The following CALN1 variants were observed in gnomAD, a reference collection of about 807,000 sequenced individuals.
CALN1 encodes calcium-binding protein 8.
Under a neutral mutation model 30.6 loss-of-function variants are expected in CALN1, and 17 were observed. The ratio of observed to expected loss-of-function variants is 0.56; its 90% CI spans 0.38 to 0.83. The LOEUF (loss-of-function observed/expected upper bound fraction) is 0.83. Among genes scored for constraint, CALN1 ranks in the 40% least tolerant of loss-of-function variants. The probability of loss-of-function intolerance (pLI) is 0.00; values close to 1 mark genes in which losing one functional copy is unlikely to be tolerated. For missense variants in CALN1, 291 were observed against 354.9 expected, an observed-to-expected ratio of 0.82 and a Z score of 1.45; for synonymous variants, 156 against 131.4, an observed-to-expected ratio of 1.19 and a Z score of -1.28.
chr7:72,047,914 A>T (rs774808391), intron 4 of CALN1, among the ~76,000 whole-genome samples: 1 of 152,158 alleles, frequency 6.6e-6, no homozygotes, highest in South Asian at 2.1e-4. Context: ...ATGCAGGGAA[A>T]TTGGATATTG....
At chr7:72,252,008 GCACAC>G (rs1017391496) in intron 3 of CALN1, among the ~76,000 whole-genome samples, 1 of 152,126 alleles carries the variant, frequency 6.6e-6, no homozygotes, top group Admixed American at 6.6e-5. Flanking sequence ...CAATTCTGCA[GCACAC>G]CACACAAGAT....
chr7:72,475,176 T>G, the CALN1 span, among the ~76,000 whole-genome samples: 1 of 152,108 alleles, frequency 6.6e-6, no homozygotes, highest in Non-Finnish European at 1.5e-5. Flanking sequence ...ATAAAGAAAG[T>G]GAAGTGGCAG....
chr7:71,795,789 A>G (rs1405573058), intron 6 of CALN1, among the ~76,000 whole-genome samples: 1 of 139,744 alleles, frequency 7.2e-6, no homozygotes, highest in African/African-American at 2.7e-5. Context: ...CTCCAGCTGT[A>G]TGTAGCATTT....
chr7:72,446,997 C>G (rs1808547190), intron 1 of CALN1: 1 of 152,002 alleles, frequency 6.6e-6, no homozygotes, highest in Admixed American at 6.6e-5. Context: ...ATATCATTGA[C>G]TGAGAGACAC....
At chr7:72,147,851 A>C (rs1452137508) in intron 3 of CALN1, among the ~76,000 whole-genome samples, 1 of 151,656 alleles carries the variant, frequency 6.6e-6, no homozygotes, top group Non-Finnish European at 1.5e-5. Flanking sequence ...CGCAAGGACA[A>C]AAAACCAAAC....
the CALN1 span, among the ~76,000 whole-genome samples, chr7:72,494,978 T>C: frequency 1.7e-5 from 2 of 120,352 alleles, no homozygotes; most frequent in Admixed American, 8.2e-5. Flanking sequence ...ATAACACCTG[T>C]AAGCTGCAAC....
intron 4 of CALN1, among the ~76,000 whole-genome samples, chr7:72,075,599 C>T (rs1804675776): frequency 6.6e-6 from 1 of 152,176 alleles, no homozygotes; most frequent in Admixed American, 6.5e-5. Flanking sequence ...TAATGCTCCT[C>T]TTCCAGCCTG....
intron 2 of CALN1, among the ~76,000 whole-genome samples, chr7:72,396,741 G>A (rs192546742): frequency 6.6e-6 from 1 of 152,028 alleles, no homozygotes; most frequent in Admixed American, 6.6e-5. Flanking sequence ...TGAGGGAGAA[G>A]GTGACACCAT....
intron 5 of CALN1, among the ~76,000 whole-genome samples, chr7:71,990,766 T>C (rs1024490221): frequency 6.6e-6 from 1 of 152,166 alleles, no homozygotes; most frequent in Admixed American, 6.5e-5. Context: ...TCCCTTACTT[T>C]CTTAATAACG....
intron 5 of CALN1, among the ~76,000 whole-genome samples, chr7:71,940,331 G>C (rs1796061516): frequency 6.6e-6 from 1 of 152,184 alleles, no homozygotes; most frequent in South Asian, 2.1e-4. Flanking sequence ...TTCAAGTTCA[G>C]GCTGACTTAC....
chr7:71,907,898 T>C (rs570001835), intron 5 of CALN1, among the ~76,000 whole-genome samples: 4 of 152,122 alleles, frequency 2.6e-5, no homozygotes, highest in Non-Finnish European at 5.9e-5. Context: ...TTTGATGATA[T>C]CCTGTCCCCA....
intron 3 of CALN1, among the ~76,000 whole-genome samples, chr7:72,250,815 C>T (rs151192674): frequency 1.2e-3 from 181 of 152,276 alleles, no homozygotes; most frequent in African/African-American, 4.1e-3. Flanking sequence ...GCAGGCACCA[C>T]GCTCGTATAG....
chr7:72,029,134 T>C (rs1285875372), intron 4 of CALN1, among the ~76,000 whole-genome samples: 2 of 152,138 alleles, frequency 1.3e-5, no homozygotes, highest in Non-Finnish European at 2.9e-5. Context: ...TTGGTCTTTT[T>C]TTTTCTTTTT....
At chr7:72,060,671 A>C (rs1803584510) in intron 4 of CALN1, among the ~76,000 whole-genome samples, 1 of 152,170 alleles carries the variant, frequency 6.6e-6, no homozygotes, top group South Asian at 2.1e-4. Flanking sequence ...GATCATGGTG[A>C]TAGATCCTTC....
chr7:72,032,725 C>G (rs1801538332), intron 4 of CALN1, among the ~76,000 whole-genome samples: 1 of 151,512 alleles, frequency 6.6e-6, no homozygotes, highest in Admixed American at 6.6e-5. Context: ...TAAATCGCCT[C>G]TTTGTCTGCA....
At position 71,970,885 on chromosome 7, in the gene CALN1, T is replaced by C. The variant is rs1037974668; in HGVS notation, c.501+52772A>G. 3.3e-5 allele frequency among the ~76,000 whole-genome samples: 5 copies of C among 152,268 alleles called. No homozygotes were observed. In the East Asian group the frequency reaches 7.7e-4, roughly 24 times the overall value. On this transcript the variant is annotated intron_variant, in intron 5 of 6. Transcript: ENST00000395275. ...ATCAGCACCAGGGATCTGAGGCTGA[T>C]AGGTTCAGCAAAATTGAGAGCCAAT... is the stretch of plus-strand genomic sequence containing the variant.
At chr7:71,823,234 G>A (rs1343054347) in intron 5 of CALN1, among the ~76,000 whole-genome samples, 1 of 151,782 alleles carries the variant, frequency 6.6e-6, no homozygotes, top group African/African-American at 2.4e-5. Context: ...CCAGGCTGGA[G>A]TGCAGTAGTA....
At chr7:71,921,629 C>T (rs13229300) in intron 5 of CALN1, among the ~76,000 whole-genome samples, 48,610 of 151,936 alleles carry the variant, frequency 0.32, 9,005 homozygotes, top group East Asian at 0.5. Context: ...CCCTTACTGG[C>T]TGAAAAATAA....
At chr7:72,348,471 CAGAT>C (rs1802757616) in intron 2 of CALN1, among the ~76,000 whole-genome samples, 1 of 152,138 alleles carries the variant, frequency 6.6e-6, no homozygotes, top group African/African-American at 2.4e-5. Flanking sequence ...GAAGGCAACA[CAGAT>C]AGAAAGGTGG....
Sources: allele counts gnomAD v4.1 joint callset (sites outside exome capture counted in the v4.1 genomes callset), GRCh38; gene constraint gnomAD v4.1.1; transcripts MANE v1.5; gene names NCBI Gene and HGNC (gene_info 2026-07-23, HGNC 2026-07-21).